FRMD4A: variants seen among roughly 807,000 people sequenced by gnomAD.
FRMD4A encodes the protein FERM domain-containing protein 4A.
In FRMD4A, 29 loss-of-function variants were observed where a neutral mutation model predicts 129.1. That is an observed-to-expected ratio of 0.22 (90% CI 0.17 to 0.31). The LOEUF (loss-of-function observed/expected upper bound fraction) is 0.31, where lower values mean the gene tolerates loss of function less well. Among genes scored for constraint, FRMD4A ranks in the 10% least tolerant of loss-of-function variants. The pLI is 1.00. For synonymous variants in FRMD4A, 634 were observed against 571.6 expected (o/e 1.11, Z -1.56); for missense variants, 1,272 against 1,375.8 (o/e 0.92, Z 1.19).
At chr10:13,703,416 G>C (rs1185472027) in intron 13 of FRMD4A, among the ~76,000 whole-genome samples, 1 of 152,214 alleles carries the variant, frequency 6.6e-6, no homozygotes, top group African/African-American at 2.4e-5. Flanking sequence ...GGGGGAGAAA[G>C]TGCACAGTGT....
chr10:13,850,450 T>A (rs2094125507), intron 3 of FRMD4A, among the ~76,000 whole-genome samples: 1 of 152,182 alleles, frequency 6.6e-6, no homozygotes, highest in Non-Finnish European at 1.5e-5. Flanking sequence ...TCCACTGCTG[T>A]GGAAGTGTCT....
intron 2 of FRMD4A, among the ~76,000 whole-genome samples, chr10:13,887,836 A>G (rs1017326053): frequency 2.6e-5 from 4 of 152,238 alleles, no homozygotes; most frequent in African/African-American, 9.6e-5. Flanking sequence ...CACTGGTGGT[A>G]GAGCTGGTTA....
chr10:13,820,123 C>T (rs2093607808), intron 3 of FRMD4A, among the ~76,000 whole-genome samples: 2 of 152,178 alleles, frequency 1.3e-5, no homozygotes, highest in South Asian at 4.1e-4. Context: ...TCACTAGAAG[C>T]TGGAAGAGGT....
intron 2 of FRMD4A, among the ~76,000 whole-genome samples, chr10:14,328,638 G>A (rs955629209): frequency 6.7e-6 from 1 of 150,360 alleles, no homozygotes; most frequent in African/African-American, 2.4e-5. Flanking sequence ...GTGTGTGTGT[G>A]TGTGTGTGTG....
At chr10:13,747,527 C>CA (rs10689486) in intron 9 of FRMD4A, among the ~76,000 whole-genome samples, 51,135 of 144,514 alleles carry the variant, frequency 0.35, 9,650 homozygotes, top group East Asian at 0.62. Flanking sequence ...AGATCCGTCT[C>CA]AAAAAAAAAA....
At chr10:14,054,411 TC>T (rs1422772988) in intron 2 of FRMD4A, among the ~76,000 whole-genome samples, 1 of 151,920 alleles carries the variant, frequency 6.6e-6, no homozygotes, top group Non-Finnish European at 1.5e-5. Context: ...GTCCTAAGAG[TC>T]CACAGCCTTG....
At chr10:13,779,233 T>G (rs2130769156) in intron 6 of FRMD4A, among the ~76,000 whole-genome samples, 1 of 152,122 alleles carries the variant, frequency 6.6e-6, no homozygotes, top group Admixed American at 6.5e-5. Context: ...AGAGAATCGC[T>G]TGAACCCAGG....
intron 2 of FRMD4A, among the ~76,000 whole-genome samples, chr10:14,164,654 G>A (rs1841080122): frequency 6.6e-6 from 1 of 152,144 alleles, no homozygotes; most frequent in Non-Finnish European, 1.5e-5. Context: ...GTGAATGGTA[G>A]GTTCAAAGCC....
rs1156634598 is a variant in FRMD4A, at chr10:13,657,115, T to C, written c.2474A>G (p.Gln825Arg). The change falls in exon 22 of 25, where the codon CAG (glutamine) becomes CGG (arginine). Residue 825 changes from glutamine (Q) to arginine (R), a missense_variant. By Grantham distance (43) the Gln-to-Arg change is conservative (BLOSUM62 1). Around this residue, in one of 2 missense-constraint regions of FRMD4A, gnomAD observed 972 missense variants for 892.3 expected, o/e 1.09. Transcript: ENST00000357447. Reference sequence around the variant, plus strand: ...GCGGTACTGCGAGCTGGGCTGGCTCTGGCTGTGCAGGTACACACCGCCCCC... The same window carrying C: ...GCGGTACTGCGAGCTGGGCTGGCTCCGGCTGTGCAGGTACACACCGCCCCC... ...GAGGGVYLHS[Q>R]SQPSSQYRIK... is the part of the protein sequence containing the mutation. The C allele has an allele frequency of 2.6e-6, 4 of 1,557,160 alleles. No individual in the cohort carries two copies. Among genetic ancestry groups the C allele is most frequent in the Non-Finnish European group, 3.5e-6 (4 of 1,158,134 alleles).
At chr10:13,872,687 G>T (rs551498161) in intron 2 of FRMD4A, among the ~76,000 whole-genome samples, 3 of 152,352 alleles carry the variant, frequency 2.0e-5, no homozygotes, top group East Asian at 1.9e-4. Flanking sequence ...TTCCCTGGGG[G>T]AACAGTGAGG....
At chr10:13,981,457 G>A (rs2095560407) in intron 2 of FRMD4A, among the ~76,000 whole-genome samples, 1 of 152,062 alleles carries the variant, frequency 6.6e-6, no homozygotes, top group East Asian at 1.9e-4. Context: ...ATACTTAAGG[G>A]AGGCCAGGCA....
At position 13,821,470 on chromosome 10, in the gene FRMD4A, G is replaced by C. The variant is rs17154068; in HGVS notation, c.112-10562C>G. On this transcript the variant is annotated intron_variant, in intron 3 of 24. Coordinates refer to ENST00000357447, the MANE Select transcript of FRMD4A (RefSeq NM_018027.5). The surrounding 1 kb of genome is among the most constrained non-coding windows in gnomAD (Gnocchi z 4.3). ...GCCCAGCCTGAACCGGGATCCATTC[G>C]TGCACATGAGACAAATCCTTTACCT... 0.021 allele frequency among the ~76,000 whole-genome samples: 3,193 copies of C among 152,214 alleles called. 62 individuals carry two copies. Among genetic ancestry groups the C allele is most frequent in the Admixed American group, 0.057 (879 of 15,298 alleles).
chr10:13,998,959 G>A (rs1264453249), intron 2 of FRMD4A, among the ~76,000 whole-genome samples: 3 of 152,036 alleles, frequency 2.0e-5, no homozygotes, highest in African/African-American at 4.8e-5. Flanking sequence ...CACAGCCTGT[G>A]CCAGCTGGGC....
At chr10:13,809,577 C>T (rs1304572201) in intron 4 of FRMD4A, among the ~76,000 whole-genome samples, 1 of 152,190 alleles carries the variant, frequency 6.6e-6, no homozygotes, top group African/African-American at 2.4e-5. Context: ...CCCAGCTGGG[C>T]TTACTTGGCC....
At chr10:14,033,077 T>C (rs1476658081) in intron 2 of FRMD4A, among the ~76,000 whole-genome samples, 1 of 151,958 alleles carries the variant, frequency 6.6e-6, no homozygotes, top group Non-Finnish European at 1.5e-5. Context: ...GATGCTGAGG[T>C]GGGCGGATCA....
chr10:13,810,978 G>T, intron 3 of FRMD4A, 70 bp from the exon 4 acceptor site: 3 of 749,412 alleles, frequency 4.0e-6, no homozygotes, highest in Non-Finnish European at 6.9e-6. Context: ...TGCAATCTCA[G>T]GTTTCCATAA....
chr10:13,932,055 T>A (rs1467599496), intron 2 of FRMD4A, among the ~76,000 whole-genome samples: 1 of 152,154 alleles, frequency 6.6e-6, no homozygotes, highest in East Asian at 1.9e-4. Flanking sequence ...ATAAGGCAAA[T>A]GGCCTCTTTC....
intron 3 of FRMD4A, among the ~76,000 whole-genome samples, chr10:13,823,185 T>C (rs908926389): frequency 2.6e-5 from 4 of 152,308 alleles, no homozygotes; most frequent in African/African-American, 9.6e-5. Context: ...ATTGCTCCTC[T>C]AGAAATGCAA....
intron 2 of FRMD4A, among the ~76,000 whole-genome samples, chr10:14,184,298 A>ATTTTTTTTTTTTTTTTTTTT (rs60196881): frequency 0.024 from 2,510 of 104,396 alleles, 282 homozygotes; most frequent in Non-Finnish European, 0.029. Flanking sequence ...CAACCGGTTA[A>ATTTTTTTTTTTTTTTTTTTT]TTTTTTTTTT....
Sources: gnomAD v4.1 joint callset for allele counts (sites outside exome capture counted in the v4.1 genomes callset) on GRCh38, gnomAD v4.1.1 for gene constraint, gnomAD v4.1.1 regional missense constraint, Gnocchi (gnomAD v3.1) non-coding constraint, MANE v1.5 for transcripts, NCBI Gene and HGNC (gene_info 2026-07-23, HGNC 2026-07-21) for gene names.